HSD17B3: variants seen among roughly 807,000 people sequenced by gnomAD.
HSD17B3 encodes the protein 17-beta-hydroxysteroid dehydrogenase type 3.
Under a neutral mutation model 41.1 loss-of-function variants are expected in HSD17B3, and 29 were observed. That is an observed-to-expected ratio of 0.71 (90% confidence interval 0.53 to 0.96). The LOEUF is 0.96. Ranked by LOEUF, HSD17B3 falls within the 40% of genes least tolerant of loss-of-function variation. The probability of loss-of-function intolerance (pLI) is 0.00; values close to 1 mark genes in which losing one functional copy is unlikely to be tolerated. For missense variants in HSD17B3, 323 were observed against 374.6 expected (o/e 0.86, Z 1.14); for synonymous variants, 126 against 145.6 (o/e 0.87, Z 0.97).
At chr9:96,245,901 G>C (rs1184080023) in intron 7 of HSD17B3, among the ~76,000 whole-genome samples, 2 of 152,214 alleles carry the variant, frequency 1.3e-5, no homozygotes, top group Non-Finnish European at 2.9e-5. Flanking sequence ...TGCTCACACA[G>C]ATACCCTATG....
At chr9:96,248,359 T>G (rs1439586185) in intron 6 of HSD17B3, among the ~76,000 whole-genome samples, 1 of 152,004 alleles carries the variant, frequency 6.6e-6, no homozygotes, top group African/African-American at 2.4e-5. Context: ...AAAGAAAAAA[T>G]TTTTTGTCTA....
At position 96,295,864 on chromosome 9, in the gene HSD17B3, C is replaced by G. The variant is rs138649993; in HGVS notation, c.201+2552G>C. 3.3e-5 allele frequency among the ~76,000 whole-genome samples: 5 copies of G among 152,144 alleles called. No individual in the cohort carries two copies. In the East Asian group the frequency reaches 9.7e-4, roughly 29 times the overall value. The stretch of plus-strand genomic sequence containing the variant: ...AAAATTCATATGCTGAAATCCTAAC[C>G]CCCAATGAGATGACACTTGGAGGTA... On this transcript the variant is annotated intron_variant, in intron 2 of 10. Transcript: ENST00000375263.
chr9:96,290,479 T>TTTC (rs67908056), intron 2 of HSD17B3, among the ~76,000 whole-genome samples: 64 of 146,526 alleles, frequency 4.4e-4, no homozygotes, highest in Non-Finnish European at 6.4e-4. Context: ...TTTTTTTTTT[T>TTTC]CCACATATCC....
At chr9:96,259,469 T>C (rs377235065) in intron 2 of HSD17B3, among the ~76,000 whole-genome samples, 3 of 152,180 alleles carry the variant, frequency 2.0e-5, no homozygotes, top group East Asian at 3.9e-4. Flanking sequence ...ATGCCTATAA[T>C]CCCAGCACTT....
At chr9:96,277,835 GCACACACACACACACACACACACA>G (rs3222260) in intron 2 of HSD17B3, among the ~76,000 whole-genome samples, 1 of 145,924 alleles carries the variant, frequency 6.9e-6, no homozygotes, top group African/African-American at 2.5e-5. Flanking sequence ...GGAAAATGTG[GCACACACACACACACACACACACA>G]CACACACACA....
intron 2 of HSD17B3, among the ~76,000 whole-genome samples, chr9:96,270,298 A>G (rs1656688497): frequency 6.6e-6 from 1 of 152,140 alleles, no homozygotes; most frequent in African/African-American, 2.4e-5. Flanking sequence ...AGACAGAGAC[A>G]GAGAGAGAAA....
intron 2 of HSD17B3, among the ~76,000 whole-genome samples, chr9:96,285,723 T>C (rs1436984167): frequency 6.6e-6 from 1 of 152,076 alleles, no homozygotes; most frequent in Non-Finnish European, 1.5e-5. Flanking sequence ...CTCACAATAT[T>C]GATGCCTTCT....
chr9:96,250,704 T>C (rs908945333), intron 5 of HSD17B3, among the ~76,000 whole-genome samples: 6 of 151,898 alleles, frequency 4.0e-5, no homozygotes, highest in African/African-American at 1.5e-4. Context: ...CTGACCAACA[T>C]AGTGAAACCC....
intron 1 of HSD17B3, 113 bp downstream of exon 1, chr9:96,301,838 G>A (rs776669837): frequency 1.8e-4 from 207 of 1,155,338 alleles, no homozygotes; most frequent in East Asian, 4.2e-4. Context: ...CCAAGATCGC[G>A]CCATTGCACT....
chr9:96,246,351 C>A, intron 7 of HSD17B3: 1 of 641,452 alleles, frequency 1.6e-6, no homozygotes, highest in Non-Finnish European at 2.8e-6. Flanking sequence ...TTACGTTTGA[C>A]CTTCACATGA....
intron 7 of HSD17B3, among the ~76,000 whole-genome samples, chr9:96,245,806 C>T (rs1300036871): frequency 3.3e-5 from 5 of 152,132 alleles, no homozygotes; most frequent in Admixed American, 6.5e-5. Context: ...CATGAGCTGC[C>T]GGTCCCTTTG....
At chr9:96,255,096 T>G (rs1825576254) in intron 2 of HSD17B3, among the ~76,000 whole-genome samples, 153 bp from the exon 3 acceptor site, 1 of 152,138 alleles carries the variant, frequency 6.6e-6, no homozygotes, top group Non-Finnish European at 1.5e-5. Flanking sequence ...GACAAAGCTT[T>G]CTGGGCTAGG....
At chr9:96,266,842 C>T (rs946627048) in intron 2 of HSD17B3, among the ~76,000 whole-genome samples, 6 of 152,026 alleles carry the variant, frequency 3.9e-5, no homozygotes, top group African/African-American at 9.7e-5. Context: ...GGGTATGCAT[C>T]GAGTGCTGAT....
At chr9:96,270,338 G>C (rs7357803) in intron 2 of HSD17B3, among the ~76,000 whole-genome samples, 2 of 151,982 alleles carry the variant, frequency 1.3e-5, no homozygotes, top group African/African-American at 4.8e-5. Flanking sequence ...AATGTACTTA[G>C]GATATTCAAA....
chr9:96,301,916 G>A, intron 1 of HSD17B3, 35 bp downstream of exon 1: 1 of 1,588,746 alleles, frequency 6.3e-7, no homozygotes, highest in Non-Finnish European at 8.6e-7. Flanking sequence ...AGGAACAACA[G>A]CAGCAAAAAA....
At chr9:96,283,045 G>A (rs1355057641) in intron 2 of HSD17B3, among the ~76,000 whole-genome samples, 1 of 89,720 alleles carries the variant, frequency 1.1e-5, no homozygotes, top group African/African-American at 4.5e-5. Flanking sequence ...CACTCTTTTT[G>A]CCCAGGCTAG....
chr9:96,269,811 G>A (rs949406028), intron 2 of HSD17B3, among the ~76,000 whole-genome samples: 3 of 151,310 alleles, frequency 2.0e-5, no homozygotes, highest in Admixed American at 6.6e-5. Flanking sequence ...AGCTGAGGCA[G>A]GAGAATCACC....
chr9:96,299,729 G>A (rs867593150), intron 1 of HSD17B3, among the ~76,000 whole-genome samples: 1 of 152,182 alleles, frequency 6.6e-6, no homozygotes, highest in Non-Finnish European at 1.5e-5. Context: ...AACCCAGGCT[G>A]TCTGACTTTG....
chr9:96,257,101 C>T (rs1407085097), intron 2 of HSD17B3, among the ~76,000 whole-genome samples: 2 of 152,188 alleles, frequency 1.3e-5, no homozygotes, highest in African/African-American at 4.8e-5. Flanking sequence ...CCTCCGAAGC[C>T]GAGCAAATGC....
Sources: gnomAD v4.1 joint callset for allele counts (sites outside exome capture counted in the v4.1 genomes callset) on GRCh38, gnomAD v4.1.1 for gene constraint, MANE v1.5 for transcripts, NCBI Gene and HGNC (gene_info 2026-07-23, HGNC 2026-07-21) for gene names.